Variants in AP2A2 observed in about 807,000 individuals in gnomAD.
The protein encoded by AP2A2 is AP-2 complex subunit alpha-2.
A neutral mutation model predicts 104.2 loss-of-function variants in AP2A2; 32 were observed. The observed-to-expected ratio is 0.31, with a 90% CI of 0.23 to 0.41. The LOEUF is 0.41. AP2A2 is among the 10% of genes least tolerant of loss of function. The pLI is 1.00. For missense variants in AP2A2, 912 were observed against 1,261.0 expected, an observed-to-expected ratio of 0.72 and a Z score of 4.19; for synonymous variants, 539 against 533.3, an observed-to-expected ratio of 1.01 and a Z score of -0.15.
At chr11:928,927 G>A (rs988850660) in intron 1 of AP2A2, among the ~76,000 whole-genome samples, 4 of 152,180 alleles carry the variant, frequency 2.6e-5, no homozygotes, top group Middle Eastern at 3.4e-3. Context: ...TGCCCTCTAG[G>A]GTGGCCTCTA....
chr11:999,890 G>A (rs533853289), intron 14 of AP2A2, among the ~76,000 whole-genome samples: 5 of 146,774 alleles, frequency 3.4e-5, no homozygotes, highest in South Asian at 2.2e-4. Context: ...TGCAAGCTCC[G>A]CCTCCCGGGT....
At chr11:935,005 C>T (rs1250840728) in intron 1 of AP2A2, among the ~76,000 whole-genome samples, 6 of 151,612 alleles carry the variant, frequency 4.0e-5, no homozygotes, top group Non-Finnish European at 7.4e-5. Context: ...ATTACAGGAG[C>T]GCACCACCAT....
chr11:1,007,597 C>T (rs1856253329), intron 17 of AP2A2: 1 of 243,254 alleles, frequency 4.1e-6, no homozygotes, highest in African/African-American at 2.3e-5. Flanking sequence ...GAAAACAACC[C>T]TGGTCCCAGC....
At chr11:1,003,956 G>A (rs1856112288) in intron 16 of AP2A2, among the ~76,000 whole-genome samples, 152 bp downstream of exon 16, 1 of 152,076 alleles carries the variant, frequency 6.6e-6, no homozygotes, top group Admixed American at 6.5e-5. Context: ...ATTAAAAAAT[G>A]GGCAAAAGAA....
At chr11:951,476 G>A (rs894514626) in intron 1 of AP2A2, among the ~76,000 whole-genome samples, 5 of 151,910 alleles carry the variant, frequency 3.3e-5, no homozygotes, top group South Asian at 2.1e-4. Context: ...GCAGTGAGCC[G>A]AGATCGTGCC....
intron 14 of AP2A2, among the ~76,000 whole-genome samples, chr11:994,722 G>C (rs1281323941): frequency 2.1e-5 from 3 of 144,798 alleles, no homozygotes; most frequent in Non-Finnish European, 4.6e-5. Context: ...CCTGTCCCGG[G>C]GGCCACTGTC....
At chr11:998,258 C>CA (rs1855919335) in intron 14 of AP2A2, among the ~76,000 whole-genome samples, 1 of 152,154 alleles carries the variant, frequency 6.6e-6, no homozygotes, top group African/African-American at 2.4e-5. Context: ...GGTGCTCCGT[C>CA]ACAAGAGCAG....
At chr11:976,591 C>T (rs1855046762) in intron 4 of AP2A2, among the ~76,000 whole-genome samples, 4 of 151,852 alleles carry the variant, frequency 2.6e-5, no homozygotes, top group East Asian at 2.0e-4. Flanking sequence ...GAGCCATGGC[C>T]GGCTCCCTTC....
intron 1 of AP2A2, among the ~76,000 whole-genome samples, chr11:945,912 C>T (rs143352401): frequency 1.9e-3 from 285 of 152,180 alleles, no homozygotes; most frequent in African/African-American, 6.2e-3. Flanking sequence ...GAGGAGACGG[C>T]GAGGATCTGG....
At chr11:936,881 C>T (rs1853475241) in intron 1 of AP2A2, among the ~76,000 whole-genome samples, 1 of 152,274 alleles carries the variant, frequency 6.6e-6, no homozygotes, top group East Asian at 1.9e-4. Context: ...GCAGTGTCTT[C>T]TCTGAATGCT....
At chr11:939,476 G>C (rs11246348) in intron 1 of AP2A2, among the ~76,000 whole-genome samples, 72,691 of 151,590 alleles carry the variant, frequency 0.48, 18,331 homozygotes, top group Middle Eastern at 0.66. Flanking sequence ...ACGGGGTTTC[G>C]CTCTGTTGCC....
chr11:998,257 T>C (rs1391728957), intron 14 of AP2A2, among the ~76,000 whole-genome samples: 1 of 152,106 alleles, frequency 6.6e-6, no homozygotes, highest in Non-Finnish European at 1.5e-5. Context: ...AGGTGCTCCG[T>C]CACAAGAGCA....
chr11:1,011,086 C>G lies in AP2A2; in HGVS notation c.*461C>G. On this transcript the variant is annotated 3_prime_UTR_variant, in exon 22 of 22. Transcript: ENST00000448903. ...TGCACACCTGGCGTCGTCCTGGGCC[C>G]TTGGGAGGAGCACAGCTGACCCTGG... The G allele has an allele frequency of 1.7e-6, 1 of 604,530 alleles. No individual in the cohort carries two copies. The highest frequency in any genetic ancestry group is 3.2e-6 in the Non-Finnish European group (1 of 316,366). The allele number at this position is 604,530 out of a possible 1,614,324, so 37.4% of individuals were successfully genotyped here. A position where few individuals can be genotyped will look rare whatever the true frequency, so the allele number is the denominator to read the frequency against.
At chr11:998,402 T>A (rs953118705) in intron 14 of AP2A2, among the ~76,000 whole-genome samples, 3 of 149,562 alleles carry the variant, frequency 2.0e-5, no homozygotes, top group Non-Finnish European at 4.4e-5. Context: ...GCCTCATTTA[T>A]CTTTGAGTAA....
intron 2 of AP2A2, 44 bp from the exon 3 acceptor site, chr11:970,125 C>T: frequency 6.2e-7 from 1 of 1,605,502 alleles, no homozygotes; most frequent in Non-Finnish European, 8.5e-7. Context: ...TCTCCCCTGC[C>T]TCTGCCCGCC....
At chr11:1,007,747 G>T in intron 17 of AP2A2, 1 of 558,722 alleles carries the variant, frequency 1.8e-6, no homozygotes. Flanking sequence ...CCGAGGCTCA[G>T]AGTGAAAACA....
At chr11:939,120 G>T (rs961454798) in intron 1 of AP2A2, among the ~76,000 whole-genome samples, 4 of 151,468 alleles carry the variant, frequency 2.6e-5, no homozygotes, top group Non-Finnish European at 5.9e-5. Flanking sequence ...GTGTGGTGCT[G>T]GGCACCTGTA....
intron 1 of AP2A2, among the ~76,000 whole-genome samples, chr11:948,204 A>G (rs1457600185): frequency 6.6e-6 from 1 of 152,210 alleles, no homozygotes; most frequent in African/African-American, 2.4e-5. Flanking sequence ...AAAATTGGCA[A>G]ACTTAGTGAG....
intron 1 of AP2A2, among the ~76,000 whole-genome samples, chr11:947,913 G>A (rs568790355): frequency 3.9e-5 from 6 of 152,240 alleles, no homozygotes; most frequent in Admixed American, 1.3e-4. Context: ...CTATGATCAC[G>A]CCCCTGCACT....
Sources: gnomAD v4.1 joint callset for allele counts (sites outside exome capture counted in the v4.1 genomes callset) on GRCh38, gnomAD v4.1.1 for gene constraint, MANE v1.5 for transcripts, NCBI Gene and HGNC (gene_info 2026-07-23, HGNC 2026-07-21) for gene names.